TM2D3: variants seen among roughly 807,000 people sequenced by gnomAD.
The protein encoded by TM2D3 is TM2 domain-containing protein 3.
In TM2D3, 33 loss-of-function variants were observed where a neutral mutation model predicts 27.3. The observed-to-expected ratio is 1.21, with a 90% CI of 0.92 to 1.61. TM2D3 has a LOEUF of 1.61. Ranked by LOEUF, TM2D3 falls within the 40% of genes most tolerant of loss-of-function variation. The pLI, the probability that TM2D3 is intolerant of heterozygous loss-of-function variation, is 0.00. For missense variants in TM2D3, 364 were observed against 320.8 expected (o/e 1.13, Z -1.03); for synonymous variants, 138 against 122.2 (o/e 1.13, Z -0.85).
rs1896691720 is a variant in TM2D3, at chr15:101,642,445, T to A, written c.*34A>T. 1 of 1,548,992 alleles carries A rather than the reference T, an allele frequency of 6.5e-7. No homozygotes were observed. The highest frequency in any genetic ancestry group is 1.2e-5 in the South Asian group (1 of 83,292). On this transcript the variant is annotated 3_prime_UTR_variant, in exon 6 of 6. Transcript: ENST00000333202. ...CTCCTACGGACAAAAGGGCTTTTTC[T>A]AAGCCCTGCTCCTTTCTGAAGCACA...
chr15:101,646,989 T>G (rs1896831022), intron 3 of TM2D3, 90 bp from the exon 4 acceptor site: 2 of 1,427,784 alleles, frequency 1.4e-6, no homozygotes, highest in African/African-American at 2.8e-5. Context: ...GGCACAAAAT[T>G]CCGTAAATGC....
chr15:101,649,560 C>T (rs1896913991), intron 3 of TM2D3, among the ~76,000 whole-genome samples: 2 of 152,290 alleles, frequency 1.3e-5, no homozygotes, highest in African/African-American at 4.8e-5. Context: ...CCAGGCATTC[C>T]GGCATTTACT....
chr15:101,646,628 A>C, intron 4 of TM2D3, 97 bp downstream of exon 4: 1 of 1,338,766 alleles, frequency 7.5e-7, no homozygotes, highest in East Asian at 2.4e-5. Flanking sequence ...AAATGTTTCT[A>C]ATTAAGTAAC....
In TM2D3 at chr15:101,642,561, C is replaced by T. The variant is rs777484361; in HGVS notation, c.662G>A (p.Gly221Asp). Residue 221 changes from glycine to aspartate, a missense_variant, in exon 6 of 6, where the codon GGC becomes GAC. Gly to Asp is a moderately conservative substitution (Grantham distance 94). Coordinates refer to ENST00000333202, the MANE Select transcript of TM2D3 (RefSeq NM_078474.3). ...GTCTATCAGCGTCCATATTCCCAGG[C>T]CACCGAAGCTGAAGAGCTTGCCGAG... ...EGLGKLFSFG[G>D]LGIWTLIDVL... 3.1e-6 allele frequency: 5 copies of T among 1,613,206 alleles called. No homozygotes were observed. The highest frequency in any genetic ancestry group is 3.4e-6 in the Non-Finnish European group (4 of 1,179,838).
chr15:101,633,480 A>G, exon 5 of TM2D3: 2 of 478,802 alleles, frequency 4.2e-6, no homozygotes, highest in Non-Finnish European at 7.5e-6. Context: ...CAGTTGTAGG[A>G]GTGAGGCCCT....
chr15:101,642,873 A>G (rs1429688663), intron 5 of TM2D3, among the ~76,000 whole-genome samples: 3 of 152,224 alleles, frequency 2.0e-5, no homozygotes, highest in African/African-American at 4.8e-5. Context: ...GTACTAAAAA[A>G]CCAATGTTTT....
chr15:101,634,734 A>T (rs1435637792), intron 4 of TM2D3: 7 of 152,224 alleles, frequency 4.6e-5, no homozygotes, highest in Admixed American at 2.0e-4. Flanking sequence ...AAATAATACA[A>T]ATTTTATTCT....
At chr15:101,638,689 T>C (rs1052641767), downstream of TM2D3, among the ~76,000 whole-genome samples, 2 of 152,186 alleles carry the variant, frequency 1.3e-5, no homozygotes, top group African/African-American at 4.8e-5. Context: ...TTCCCTGTAT[T>C]CACAATTTTT....
intron 3 of TM2D3, among the ~76,000 whole-genome samples, chr15:101,647,535 T>C (rs978349738): frequency 6.6e-6 from 1 of 152,214 alleles, no homozygotes; most frequent in Non-Finnish European, 1.5e-5. Context: ...CACCACATGG[T>C]GTGTGGAGGC....
chr15:101,652,045 G>C, intron 1 of TM2D3: 1 of 559,504 alleles, frequency 1.8e-6, no homozygotes, highest in East Asian at 3.3e-5. Flanking sequence ...CTCCGTGCCA[G>C]GGCTCCGCAG....
At chr15:101,640,460 C>T (rs754142175), downstream of TM2D3, among the ~76,000 whole-genome samples, 46 of 152,292 alleles carry the variant, frequency 3.0e-4, no homozygotes, top group Non-Finnish European at 5.7e-4. Context: ...TGTTAAGCCA[C>T]GCCGTTTATG....
chr15:101,647,010 G>C lies in TM2D3; in HGVS notation c.328-111C>G, dbSNP rs112703120. ...AAATTCCGTAAATGCTTGTATTTAG[G>C]ACCTAGGAGTAAGTGCCAGAAAAAC... is the stretch of plus-strand genomic sequence containing the variant. On this transcript the variant is annotated intron_variant, in intron 3 of 5. Coordinates refer to ENST00000333202, the MANE Select transcript of TM2D3 (RefSeq NM_078474.3). 1.1e-5 allele frequency: 13 copies of C among 1,146,308 alleles called. No homozygotes were observed. The African/African-American group carries it at 1.7e-4, about 15-fold the overall frequency. The allele number at this position is 1,146,308 out of a possible 1,614,324, so 71.0% of individuals were successfully genotyped here.
chr15:101,651,828 C>A, intron 1 of TM2D3, 55 bp from the exon 2 acceptor site: 1 of 1,595,544 alleles, frequency 6.3e-7, no homozygotes, highest in African/African-American at 1.3e-5. Flanking sequence ...ACAAGAAAAC[C>A]TTATTTTGTG....
chr15:101,650,117 C>G lies in TM2D3; in HGVS notation c.214G>C (p.Gly72Arg). 1.2e-6 allele frequency: 2 copies of G among 1,614,100 alleles called. No individual in the cohort carries two copies. Among genetic ancestry groups the G allele is most frequent in the Non-Finnish European group, 1.7e-6 (2 of 1,179,998 alleles). Residue 72 changes from glycine (G) to arginine (R), a missense_variant, in exon 3 of 6, where the codon GGT becomes CGT. Physicochemically the swap from Gly to Arg is moderately radical, Grantham distance 125. Coordinates refer to ENST00000333202, the MANE Select transcript of TM2D3 (RefSeq NM_078474.3). ...TCTGCAGGAAGCCTGCTACACAAAC[C>G]ATTGCTCGGACACTTCATCACATAA... Reference protein sequence around the residue: ...PPYVMKCPSNGLCSRLPADCI... With the variant: ...PPYVMKCPSNRLCSRLPADCI...
chr15:101,643,007 G>A (rs915351009), intron 5 of TM2D3, among the ~76,000 whole-genome samples: 1 of 152,072 alleles, frequency 6.6e-6, no homozygotes. Context: ...CCACCTGGAC[G>A]ACCTGGATCA....
chr15:101,642,348 C>T lies in TM2D3; in HGVS notation c.*131G>A, dbSNP rs1896689202. 2 of 1,346,614 alleles carry T rather than the reference C, an allele frequency of 1.5e-6. No individual in the cohort carries two copies. The highest frequency in any genetic ancestry group is 3.0e-5 in the Admixed American group (1 of 33,648). 83.4% of individuals were successfully genotyped at this position (1,346,614 alleles called of 1,614,324 possible). A position where few individuals can be genotyped will look rare whatever the true frequency, so the allele number is the denominator to read the frequency against. Reference sequence around the variant, plus strand: ...TAGTTCAGCGTTTCATTTATCTTACCTTTATCAAGGCAAACAAAGTACAGA... The same window carrying T: ...TAGTTCAGCGTTTCATTTATCTTACTTTTATCAAGGCAAACAAAGTACAGA... On this transcript the variant is annotated 3_prime_UTR_variant, in exon 6 of 6. Transcript: ENST00000333202.
At chr15:101,651,235 A>G (rs1896958717) in intron 2 of TM2D3, 1 of 157,212 alleles carries the variant, frequency 6.4e-6, no homozygotes, top group Non-Finnish European at 1.4e-5. Flanking sequence ...CCAAGGTCCA[A>G]AGAGGATAAA....
chr15:101,646,521 A>T, intron 4 of TM2D3: 1 of 555,040 alleles, frequency 1.8e-6, no homozygotes, highest in Non-Finnish European at 3.2e-6. Flanking sequence ...TTATTTTATC[A>T]AATATTACAT....
At chr15:101,641,031 A>C (rs1400282118), downstream of TM2D3, among the ~76,000 whole-genome samples, 1 of 152,230 alleles carries the variant, frequency 6.6e-6, no homozygotes, top group Admixed American at 6.5e-5. Flanking sequence ...ATGGTTGCTC[A>C]ACAGGGAAGT....
Sources: gnomAD v4.1 joint callset for allele counts (sites outside exome capture counted in the v4.1 genomes callset) on GRCh38, gnomAD v4.1.1 for gene constraint, MANE v1.5 for transcripts, NCBI Gene and HGNC (gene_info 2026-07-23, HGNC 2026-07-21) for gene names.